The following ARHGEF28 variants were observed in gnomAD, a reference collection of about 807,000 sequenced individuals.
The protein encoded by ARHGEF28 is Rho guanine nucleotide exchange factor 28, also known as 190 kDa guanine nucleotide exchange factor.
In ARHGEF28, 152 loss-of-function variants were observed where a neutral mutation model predicts 206.6. The observed-to-expected ratio is 0.74, with a 90% confidence interval of 0.64 to 0.84. The LOEUF is 0.84. Ranked by LOEUF, ARHGEF28 falls within the 40% of genes least tolerant of loss-of-function variation. The probability of loss-of-function intolerance (pLI) is 0.00; values close to 1 mark genes in which losing one functional copy is unlikely to be tolerated. For synonymous variants in ARHGEF28, 763 were observed against 776.4 expected, an observed-to-expected ratio of 0.98 and a Z score of 0.29; for missense variants, 2,028 against 2,073.2, an observed-to-expected ratio of 0.98 and a Z score of 0.42.
chr5:73,904,506 G>T, intron 33 of ARHGEF28, 101 bp downstream of exon 33: 1 of 1,268,136 alleles, frequency 7.9e-7, no homozygotes, highest in South Asian at 1.5e-5. Flanking sequence ...GTGAGAGGTA[G>T]GGAATGATCT....
intron 33 of ARHGEF28, among the ~76,000 whole-genome samples, chr5:73,905,800 G>A (rs1398662802): frequency 6.6e-6 from 1 of 152,166 alleles, no homozygotes; most frequent in Non-Finnish European, 1.5e-5. Context: ...GGGTAAATGA[G>A]AAGAATTATT....
At chr5:73,917,582 G>A (rs367727970) in intron 35 of ARHGEF28, among the ~76,000 whole-genome samples, 1 of 152,212 alleles carries the variant, frequency 6.6e-6, no homozygotes, top group African/African-American at 2.4e-5. Context: ...GGGCCATCCC[G>A]CCTCAGCACA....
At chr5:73,675,771 A>ATAAAGTT (rs1252577052) in intron 1 of ARHGEF28, among the ~76,000 whole-genome samples, 1 of 149,758 alleles carries the variant, frequency 6.7e-6, no homozygotes, top group Non-Finnish European at 1.5e-5. Flanking sequence ...AAGCATATTT[A>ATAAAGTT]TAAAGTTTAT....
chr5:73,677,140 T>TA (rs776429427), intron 1 of ARHGEF28, among the ~76,000 whole-genome samples: 1 of 152,148 alleles, frequency 6.6e-6, no homozygotes, highest in Non-Finnish European at 1.5e-5. Context: ...TGGAGGGGAA[T>TA]AGAGAATGAT....
At chr5:73,905,320 A>G (rs985241270) in intron 33 of ARHGEF28, 4 of 152,086 alleles carry the variant, frequency 2.6e-5, no homozygotes, top group Admixed American at 6.5e-5. Flanking sequence ...AAAAAAAAAA[A>G]AAACTGTCTT....
intron 1 of ARHGEF28, among the ~76,000 whole-genome samples, chr5:73,635,349 AAAAG>A (rs1369307443): frequency 1.3e-5 from 2 of 152,212 alleles, no homozygotes; most frequent in Non-Finnish European, 2.9e-5. Context: ...CATCTCAAAA[AAAAG>A]AAAGAAAGCC....
chr5:73,848,004 C>T (rs16870947), intron 12 of ARHGEF28, among the ~76,000 whole-genome samples: 18,432 of 152,174 alleles, frequency 0.12, 1,510 homozygotes, highest in African/African-American at 0.22. Context: ...ATGTGTTTTT[C>T]CTTAGAGGAA....
rs1404028936 is a variant in ARHGEF28 at position 73,941,618 on chromosome 5, TG to T, written c.*609del. On this transcript the variant is annotated 3_prime_UTR_variant, in exon 36 of 36. Transcript: ENST00000513042. ...GCTTAGTACCTAAGCCTAATGCTGGTGGGGTTTCAAGACATGGTTCAGCATC... is the reference window on the plus strand; with the variant it reads ...GCTTAGTACCTAAGCCTAATGCTGGTGGGTTTCAAGACATGGTTCAGCATC... The T allele has an allele frequency of 2.6e-5, 4 of 152,250 alleles. No homozygotes were observed. Among genetic ancestry groups the T allele is most frequent in the African/African-American group, 9.7e-5 (4 of 41,438 alleles). The allele number at this position is 152,250 out of a possible 1,614,324, so 9.4% of individuals were successfully genotyped here.
chr5:73,753,137 T>C lies in ARHGEF28; in HGVS notation c.410T>C (p.Val137Ala). 1 of 1,574,954 alleles carries C rather than the reference T, an allele frequency of 6.3e-7. No homozygotes were observed. The highest frequency in any genetic ancestry group is 8.6e-7 in the Non-Finnish European group (1 of 1,160,802). The change falls in exon 4 of 36, where the codon GTG (valine) becomes GCG (alanine). Residue 137 changes from valine (V) to alanine (A), a missense_variant. Transcript: ENST00000513042. ...GALPALDEEL[V>A]LALTHLELPL... is the part of the protein sequence containing the mutation. Reference sequence around the variant, plus strand: ...CTGCCTGCCTTGGATGAGGAGCTCGTGCTGGCTCTGACCCATCTGGAATTG... The same window carrying C: ...CTGCCTGCCTTGGATGAGGAGCTCGCGCTGGCTCTGACCCATCTGGAATTG...
intron 2 of ARHGEF28, among the ~76,000 whole-genome samples, chr5:73,722,904 A>G (rs1750046118): frequency 6.6e-6 from 1 of 152,194 alleles, no homozygotes; most frequent in Non-Finnish European, 1.5e-5. Context: ...TTATGTTTTA[A>G]TTTAGACCGT....
At chr5:73,864,441 G>A (rs550894821) in intron 16 of ARHGEF28, among the ~76,000 whole-genome samples, 2 of 152,250 alleles carry the variant, frequency 1.3e-5, no homozygotes, top group East Asian at 1.9e-4. Flanking sequence ...CCCAGTGTGG[G>A]AGTGGGGAGT....
At chr5:73,837,849 C>A (rs1460495267) in intron 10 of ARHGEF28, among the ~76,000 whole-genome samples, 1 of 151,366 alleles carries the variant, frequency 6.6e-6, no homozygotes, top group Non-Finnish European at 1.5e-5. Flanking sequence ...TCAAGCAATT[C>A]TTGTGCCTTA....
chr5:73,852,545 G>A (rs1303191996), intron 13 of ARHGEF28, 105 bp from the exon 14 acceptor site: 16 of 917,516 alleles, frequency 1.7e-5, no homozygotes, highest in African/African-American at 3.3e-5. Context: ...TTTCTAGCTG[G>A]TAGTGTGTAT....
At chr5:73,926,635 A>G (rs755958377) in intron 35 of ARHGEF28, among the ~76,000 whole-genome samples, 47 of 152,078 alleles carry the variant, frequency 3.1e-4, no homozygotes, top group Non-Finnish European at 5.1e-4. Context: ...AGCCACAGCC[A>G]TCTCTTTCTG....
At chr5:73,737,011 G>A (rs1198587069) in intron 2 of ARHGEF28, among the ~76,000 whole-genome samples, 5 of 152,150 alleles carry the variant, frequency 3.3e-5, no homozygotes, top group Non-Finnish European at 5.9e-5. Context: ...TCCCTGCAGG[G>A]TTGTATGGAA....
At chr5:73,683,182 T>G (rs188656591) in intron 1 of ARHGEF28, among the ~76,000 whole-genome samples, 1 of 152,306 alleles carries the variant, frequency 6.6e-6, no homozygotes, top group East Asian at 1.9e-4. Flanking sequence ...ACTTTTAAAT[T>G]TTTAACTGTG....
chr5:73,720,940 G>A lies in ARHGEF28; in HGVS notation c.34-28897G>A, dbSNP rs144210094. The stretch of plus-strand genomic sequence containing the variant: ...AAGATCCATGCCTGTTCAAAATAAC[G>A]GCTTATATAACATATTGCTTCTCAA... On this transcript the variant is annotated intron_variant, in intron 2 of 35. Transcript: ENST00000513042. Among the ~76,000 whole-genome samples, 354 of 152,184 alleles carry A rather than the reference G, an allele frequency of 2.3e-3. 1 individual carries two copies. Among genetic ancestry groups the A allele is most frequent in the African/African-American group, 8.3e-3 (343 of 41,514 alleles).
chr5:73,844,345 G>T (rs1758167981), intron 11 of ARHGEF28, among the ~76,000 whole-genome samples: 1 of 152,202 alleles, frequency 6.6e-6, no homozygotes. Context: ...AAAGACAAGT[G>T]CTGAGGTACA....
At chr5:73,753,650 A>G (rs1752148498) in intron 4 of ARHGEF28, among the ~76,000 whole-genome samples, 1 of 152,210 alleles carries the variant, frequency 6.6e-6, no homozygotes. Flanking sequence ...GACATCTTTG[A>G]AAGTGTCAGT....
Sources: allele counts gnomAD v4.1 joint callset (sites outside exome capture counted in the v4.1 genomes callset), GRCh38; gene constraint gnomAD v4.1.1; transcripts MANE v1.5; gene names NCBI Gene and HGNC (gene_info 2026-07-23, HGNC 2026-07-21).